Variants in ZBTB7C observed in about 807,000 individuals in gnomAD.
ZBTB7C encodes the protein zinc finger and BTB domain containing 7C, also known as zinc finger and BTB domain-containing protein 7C.
A neutral mutation model predicts 25.7 loss-of-function variants in ZBTB7C; 8 were observed. The ratio of observed to expected loss-of-function variants is 0.31; its 90% CI spans 0.18 to 0.56. The LOEUF is 0.56. Ranked by LOEUF, ZBTB7C falls within the 20% of genes least tolerant of loss-of-function variation. The pLI is 0.91. For synonymous variants in ZBTB7C, 394 were observed against 369.0 expected (o/e 1.07, Z -0.78); for missense variants, 824 against 855.2 (o/e 0.96, Z 0.46).
At chr18:48,342,763 G>A (rs1360876634) in intron 1 of ZBTB7C, among the ~76,000 whole-genome samples, 1 of 152,084 alleles carries the variant, frequency 6.6e-6, no homozygotes, top group Non-Finnish European at 1.5e-5. Flanking sequence ...AGGAGCCACT[G>A]GAGACAGCGC....
At chr18:48,262,216 C>T (rs558731325) in intron 2 of ZBTB7C, among the ~76,000 whole-genome samples, 14 of 152,298 alleles carry the variant, frequency 9.2e-5, no homozygotes, top group East Asian at 1.9e-4. Context: ...AGTGAGAGGA[C>T]GGCAGAGCTG....
intron 2 of ZBTB7C, among the ~76,000 whole-genome samples, chr18:48,291,407 T>G (rs1392256202): frequency 6.6e-6 from 1 of 152,088 alleles, no homozygotes; most frequent in Non-Finnish European, 1.5e-5. Flanking sequence ...TCCATAAAGG[T>G]GTTTCCTCCC....
chr18:48,350,560 G>C (rs2046841195), intron 1 of ZBTB7C: 1 of 152,204 alleles, frequency 6.6e-6, no homozygotes, highest in Non-Finnish European at 1.5e-5. Flanking sequence ...CTGGGGATTT[G>C]AGTGTGGACA....
intron 1 of ZBTB7C, among the ~76,000 whole-genome samples, chr18:48,354,752 G>A (rs569039759): frequency 6.6e-6 from 1 of 152,268 alleles, no homozygotes; most frequent in African/African-American, 2.4e-5. Flanking sequence ...AAGGGCTGGT[G>A]TGTCAGGGCT....
intron 3 of ZBTB7C, among the ~76,000 whole-genome samples, chr18:48,123,459 G>A (rs925404549): frequency 3.3e-5 from 5 of 152,224 alleles, no homozygotes; most frequent in African/African-American, 4.8e-5. Flanking sequence ...TCAGAGGCCT[G>A]GGCGTTTTGG....
intron 2 of ZBTB7C, among the ~76,000 whole-genome samples, chr18:48,315,925 C>T (rs921578613): frequency 6.6e-6 from 1 of 152,278 alleles, no homozygotes; most frequent in South Asian, 2.1e-4. Context: ...TACCTAAGCA[C>T]GGGAAGCGCC....
At chr18:48,298,791 G>T (rs939501370) in intron 2 of ZBTB7C, among the ~76,000 whole-genome samples, 1 of 152,132 alleles carries the variant, frequency 6.6e-6, no homozygotes, top group Non-Finnish European at 1.5e-5. Context: ...AACCTAGTTC[G>T]CAGTCTCCTC....
intron 2 of ZBTB7C, among the ~76,000 whole-genome samples, chr18:48,327,857 T>C (rs528406294): frequency 6.6e-6 from 1 of 151,648 alleles, no homozygotes; most frequent in South Asian, 2.1e-4. Flanking sequence ...ATTATATCCA[T>C]ATTACAGAAA....
rs1041206063 is a variant in ZBTB7C, at chr18:48,026,745, T to A, written c.*2515A>T. 62 of 152,012 alleles carry A rather than the reference T, an allele frequency of 4.1e-4. No homozygotes were observed. Among genetic ancestry groups the A allele is most frequent in the African/African-American group, 1.5e-3 (61 of 41,428 alleles). 9.4% of individuals were successfully genotyped at this position (152,012 alleles called of 1,614,324 possible). A position where few individuals can be genotyped will look rare whatever the true frequency, so the allele number is the denominator to read the frequency against. On this transcript the variant is annotated 3_prime_UTR_variant, in exon 5 of 5. Coordinates refer to ENST00000590800, the MANE Select transcript of ZBTB7C (RefSeq NM_001318841.2). The stretch of plus-strand genomic sequence containing the variant: ...TAAAATAAGGGTCAAAGGTTTTTTT[T>A]TTTTTCTTTGTTAAGGTGTCTTTGA...
intron 3 of ZBTB7C, among the ~76,000 whole-genome samples, chr18:48,145,445 T>C (rs2040469400): frequency 6.6e-6 from 1 of 152,192 alleles, no homozygotes. Context: ...CCTGCCCTGA[T>C]TGCGGGTCTC....
At chr18:48,245,105 C>CATATGTATATATGTATATATGTATATAT (rs1568327234) in intron 2 of ZBTB7C, among the ~76,000 whole-genome samples, 1 of 122,690 alleles carries the variant, frequency 8.2e-6, no homozygotes, top group Non-Finnish European at 1.6e-5. Flanking sequence ...TATATATATA[C>CATATGTATATATGTATATATGTATATAT]ACACACACAC....
intron 3 of ZBTB7C, among the ~76,000 whole-genome samples, chr18:48,113,173 G>C (rs1353940065): frequency 1.3e-5 from 2 of 152,158 alleles, no homozygotes; most frequent in African/African-American, 4.8e-5. Context: ...AGGACAAAGG[G>C]GTAAGTCCCT....
At chr18:48,379,349 T>C (rs920573438) in intron 1 of ZBTB7C, among the ~76,000 whole-genome samples, 6 of 152,368 alleles carry the variant, frequency 3.9e-5, no homozygotes, top group Non-Finnish European at 7.3e-5. Context: ...ATATTTGCTT[T>C]TCAATATAAA....
chr18:48,382,879 A>G (rs191761814), intron 1 of ZBTB7C, among the ~76,000 whole-genome samples: 149 of 152,354 alleles, frequency 9.8e-4, no homozygotes, highest in African/African-American at 3.0e-3. Context: ...AGGAGTTAAC[A>G]TTCGTTTTCC....
At chr18:48,201,218 C>A (rs1163283714) in intron 2 of ZBTB7C, among the ~76,000 whole-genome samples, 1 of 152,154 alleles carries the variant, frequency 6.6e-6, no homozygotes. Context: ...AGACTGAACA[C>A]CAGGCATGCT....
At chr18:48,202,682 C>T (rs2042482099) in intron 2 of ZBTB7C, among the ~76,000 whole-genome samples, 1 of 152,030 alleles carries the variant, frequency 6.6e-6, no homozygotes, top group African/African-American at 2.4e-5. Context: ...CCTCCCCCAC[C>T]CCACCCCCGC....
chr18:48,334,819 G>A (rs563397698), intron 2 of ZBTB7C, among the ~76,000 whole-genome samples: 1 of 152,224 alleles, frequency 6.6e-6, no homozygotes, highest in African/African-American at 2.4e-5. Context: ...AGGCTGGGAG[G>A]CAGGAGACAG....
rs74322265 is a variant in ZBTB7C at position 48,111,103 on chromosome 18, C to T, written c.-16-69980G>A. 6.1e-3 allele frequency among the ~76,000 whole-genome samples: 935 copies of T among 152,218 alleles called. 7 individuals carry two copies. Among genetic ancestry groups the T allele is most frequent in the Non-Finnish European group, 8.3e-3 (567 of 68,012 alleles). On this transcript the variant is annotated intron_variant, in intron 3 of 4. Coordinates refer to ENST00000590800, the MANE Select transcript of ZBTB7C (RefSeq NM_001318841.2). The stretch of plus-strand genomic sequence containing the variant: ...GCAGCTGCTGGGTCACCAAGCATTG[C>T]GGTGAGAGAAGACTCTTCCCAATTT...
At position 48,155,223 on chromosome 18, in the gene ZBTB7C, AAC is replaced by A. The variant is rs542606305; in HGVS notation, c.-17+30709_-17+30710del. On this transcript the variant is annotated intron_variant, in intron 3 of 4. Transcript: ENST00000590800. ...ACAGGAACATTTGTCCTATGTTCCAAACAAAAATTGTTTTATTTTTCTCTCGG... is the reference window on the plus strand; with the variant it reads ...ACAGGAACATTTGTCCTATGTTCCAAAAAAATTGTTTTATTTTTCTCTCGG... 1.5e-3 allele frequency among the ~76,000 whole-genome samples: 235 copies of A among 152,248 alleles called. 1 individual carries two copies. Among genetic ancestry groups the A allele is most frequent in the African/African-American group, 5.3e-3 (222 of 41,534 alleles).
Sources: gnomAD v4.1 joint callset for allele counts (sites outside exome capture counted in the v4.1 genomes callset) on GRCh38, gnomAD v4.1.1 for gene constraint, MANE v1.5 for transcripts, NCBI Gene and HGNC (gene_info 2026-07-23, HGNC 2026-07-21) for gene names.